MCPH1: variants seen among roughly 807,000 people sequenced by gnomAD.
The protein encoded by MCPH1 is microcephalin 1, also known as microcephalin.
MCPH1 carries 104 observed loss-of-function variants against 84.5 expected under a neutral mutation model. The ratio of observed to expected loss-of-function variants is 1.23; its 90% CI spans 1.05 to 1.45. MCPH1 has a LOEUF of 1.45. MCPH1 is among the 40% of genes most tolerant of loss of function. The probability of loss-of-function intolerance (pLI) is 0.00; values close to 1 mark genes in which losing one functional copy is unlikely to be tolerated. For missense variants in MCPH1, 1,498 were observed against 1,005.7 expected (o/e 1.49, Z -6.62); for synonymous variants, 514 against 366.8 (o/e 1.40, Z -4.58).
chr8:6,414,408 G>T (rs552764374), intron 2 of MCPH1, among the ~76,000 whole-genome samples: 199 of 152,234 alleles, frequency 1.3e-3, no homozygotes, highest in African/African-American at 4.6e-3. Context: ...TTATTTTTTT[G>T]ATGTAGAAAG....
At chr8:6,594,133 A>C (rs914117915) in intron 12 of MCPH1, among the ~76,000 whole-genome samples, 6 of 152,226 alleles carry the variant, frequency 3.9e-5, no homozygotes, top group African/African-American at 1.4e-4. Flanking sequence ...TGAGTTGAGC[A>C]GGGGTGTGGC....
intron 12 of MCPH1, among the ~76,000 whole-genome samples, chr8:6,600,889 C>G (rs1829306799): frequency 1.3e-5 from 2 of 152,166 alleles, no homozygotes; most frequent in Non-Finnish European, 2.9e-5. Flanking sequence ...GGACAGACAT[C>G]TCACCCAGGA....
chr8:6,626,906 GT>G (rs1796761454), intron 13 of MCPH1: 1 of 984,160 alleles, frequency 1.0e-6, no homozygotes, highest in South Asian at 4.7e-5. Flanking sequence ...CCCTTTTATT[GT>G]CTGGGCTCCA....
chr8:6,409,654 G>T (rs2129550825), intron 2 of MCPH1, among the ~76,000 whole-genome samples: 1 of 150,354 alleles, frequency 6.7e-6, no homozygotes, highest in East Asian at 2.0e-4. Flanking sequence ...GAGGAATACA[G>T]GAAAAGGAAC....
intron 13 of MCPH1, among the ~76,000 whole-genome samples, chr8:6,622,693 G>A (rs1445971678): frequency 6.6e-6 from 1 of 152,204 alleles, no homozygotes; most frequent in Non-Finnish European, 1.5e-5. Flanking sequence ...TCCTGGGCTT[G>A]CAGACAGCTG....
chr8:6,512,898 C>G (rs1277020431), intron 12 of MCPH1, among the ~76,000 whole-genome samples: 1 of 152,230 alleles, frequency 6.6e-6, no homozygotes, highest in East Asian at 1.9e-4. Context: ...CCACCTAACT[C>G]TGCCATCTCT....
intron 12 of MCPH1, among the ~76,000 whole-genome samples, chr8:6,565,232 T>C (rs17624399): frequency 0.051 from 7,786 of 152,306 alleles, 268 homozygotes; most frequent in East Asian, 0.12. Context: ...ATTGTATGTT[T>C]AGAAATATTT....
chr8:6,580,271 T>C (rs557111273), intron 12 of MCPH1, among the ~76,000 whole-genome samples: 1 of 152,294 alleles, frequency 6.6e-6, no homozygotes, highest in East Asian at 1.9e-4. Context: ...ATCAGCACTT[T>C]CTTCCTCCGT....
intron 13 of MCPH1, among the ~76,000 whole-genome samples, chr8:6,630,168 C>A (rs1797051021): frequency 6.6e-6 from 1 of 152,054 alleles, no homozygotes; most frequent in Admixed American, 6.5e-5. Context: ...AAAATGGCAG[C>A]AAGGCAAATA....
intron 12 of MCPH1, chr8:6,621,106 C>G (rs374392338): frequency 2.7e-6 from 1 of 363,960 alleles, no homozygotes; most frequent in African/African-American, 2.1e-5. Flanking sequence ...TTGCACACGT[C>G]ACCAAGTTAC....
rs1412301526 is a variant in MCPH1, at chr8:6,503,045, C to T, written c.2214+3116C>T. 4 of 1,601,812 alleles carry T rather than the reference C, an allele frequency of 2.5e-6. No individual in the cohort carries two copies. The East Asian group carries it at 8.9e-5, about 36-fold the overall frequency. ...GTGCGCAGCCGTGACTTTCAGTGCA[C>T]TGGGCTTAAGTCTTTGAAAATAGTT... On this transcript the variant is annotated intron_variant, in intron 12 of 13. Coordinates refer to ENST00000344683, the MANE Select transcript of MCPH1 (RefSeq NM_024596.5).
In MCPH1 at chr8:6,444,851, A is replaced by T. The variant is rs1352183391; in HGVS notation, c.1129A>T (p.Thr377Ser). Reference sequence around the variant, plus strand: ...GGAAAAATGCAAGAGAAAGAGGAGCACCAGGAGATCTATCATGCCGAGGCT... The same window carrying T: ...GGAAAAATGCAAGAGAAAGAGGAGCTCCAGGAGATCTATCATGCCGAGGCT... ...PKEKCKRKRS[T>S]RRSIMPRLQL... Residue 377 changes from threonine (T) to serine (S), a missense_variant, in exon 8 of 14, where the codon ACC (threonine) becomes TCC (serine). Physicochemically the swap from Thr to Ser is moderately conservative, Grantham distance 58. Coordinates refer to ENST00000344683, the MANE Select transcript of MCPH1 (RefSeq NM_024596.5). 1 of 1,614,234 alleles carries T rather than the reference A, an allele frequency of 6.2e-7. No individual in the cohort carries two copies. Among genetic ancestry groups the T allele is most frequent in the South Asian group, 1.1e-5 (1 of 91,078 alleles).
intron 13 of MCPH1, among the ~76,000 whole-genome samples, chr8:6,628,877 T>G (rs1796957101): frequency 6.6e-6 from 1 of 152,246 alleles, no homozygotes. Flanking sequence ...CCGACTTAAT[T>G]CATGCTTTGG....
intron 12 of MCPH1, among the ~76,000 whole-genome samples, chr8:6,620,512 G>T (rs1299069729): frequency 6.6e-6 from 1 of 151,856 alleles, no homozygotes; most frequent in African/African-American, 2.4e-5. Context: ...GGACCCCGAC[G>T]TCACCCCACC....
chr8:6,619,741 C>T (rs900205431), intron 12 of MCPH1, among the ~76,000 whole-genome samples: 9 of 152,226 alleles, frequency 5.9e-5, no homozygotes, highest in South Asian at 2.1e-4. Flanking sequence ...CCCACCACCA[C>T]GCCTGGCTAA....
At chr8:6,541,860 T>C (rs1190569946) in intron 12 of MCPH1, among the ~76,000 whole-genome samples, 1 of 151,972 alleles carries the variant, frequency 6.6e-6, no homozygotes, top group Non-Finnish European at 1.5e-5. Context: ...TTTTAAAAAT[T>C]AGCTGGACAT....
chr8:6,557,349 T>G (rs951783376), intron 12 of MCPH1, among the ~76,000 whole-genome samples: 1 of 152,126 alleles, frequency 6.6e-6, no homozygotes, highest in African/African-American at 2.4e-5. Flanking sequence ...ACTAGAGATA[T>G]TCTCGGGGCA....
intron 12 of MCPH1, among the ~76,000 whole-genome samples, chr8:6,612,997 C>T (rs1012154257): frequency 2.6e-5 from 4 of 152,170 alleles, no homozygotes; most frequent in East Asian, 1.9e-4. Flanking sequence ...ACATGACAAA[C>T]GGGACAGAAG....
At chr8:6,408,462 TC>T (rs1360572316) in intron 1 of MCPH1, among the ~76,000 whole-genome samples, 1 of 152,092 alleles carries the variant, frequency 6.6e-6, no homozygotes, top group East Asian at 1.9e-4. Context: ...CCTCAAGCAA[TC>T]CTCCCGCCTC....
Sources: gnomAD v4.1 joint callset for allele counts (sites outside exome capture counted in the v4.1 genomes callset) on GRCh38, gnomAD v4.1.1 for gene constraint, MANE v1.5 for transcripts, NCBI Gene and HGNC (gene_info 2026-07-23, HGNC 2026-07-21) for gene names.